Variants in TXNDC9 observed in about 807,000 individuals in gnomAD.
The protein encoded by TXNDC9 is thioredoxin domain containing 9, also known as thioredoxin domain-containing protein 9.
In TXNDC9, 7 loss-of-function variants were observed where a neutral mutation model predicts 23.0. The ratio of observed to expected loss-of-function variants is 0.30; its 90% CI spans 0.17 to 0.57. The LOEUF (loss-of-function observed/expected upper bound fraction) is 0.57, where lower values mean the gene tolerates loss of function less well. Among genes scored for constraint, TXNDC9 ranks in the 20% least tolerant of loss-of-function variants. The pLI is 0.90. For missense variants in TXNDC9, 198 were observed against 252.6 expected, an observed-to-expected ratio of 0.78 and a Z score of 1.47; for synonymous variants, 72 against 90.6, an observed-to-expected ratio of 0.79 and a Z score of 1.17.
At chr2:99,308,856 T>G in the TXNDC9 span, among the ~76,000 whole-genome samples, 1 of 151,776 alleles carries the variant, frequency 6.6e-6, no homozygotes, top group Non-Finnish European at 1.5e-5. Context: ...GGACTACAGG[T>G]GCTCGCCACC....
intron 3 of TXNDC9, chr2:99,322,548 G>A (rs2105320387): frequency 6.7e-6 from 10 of 1,498,552 alleles, no homozygotes; most frequent in Non-Finnish European, 8.0e-6. Flanking sequence ...GACAAAACTC[G>A]GAAGAGACTT....
rs998866890 is a variant in TXNDC9 at position 99,321,813 on chromosome 2, C to T, written c.563+142G>A. On this transcript the variant is annotated intron_variant, in intron 4 of 4. Coordinates refer to ENST00000264255, the MANE Select transcript of TXNDC9 (RefSeq NM_005783.4). ...GCTAATATTACACACTTCAAAAAAA[C>T]ATGCTTTTCCTTTGAGAAACTTTCC... is the stretch of plus-strand genomic sequence containing the variant. 3 of 965,100 alleles carry T rather than the reference C, an allele frequency of 3.1e-6. No individual in the cohort carries two copies. The African/African-American group carries it at 5.0e-5, about 16-fold the overall frequency. The allele number at this position is 965,100 out of a possible 1,614,324, so 59.8% of individuals were successfully genotyped here.
intron 4 of TXNDC9, among the ~76,000 whole-genome samples, chr2:99,320,149 A>C (rs2094198098): frequency 6.6e-6 from 1 of 152,100 alleles, no homozygotes; most frequent in African/African-American, 2.4e-5. Context: ...CTTGGACTAC[A>C]GGCGTGTGCC....
At chr2:99,318,864 T>C (rs2094195286), downstream of TXNDC9, 1 of 152,190 alleles carries the variant, frequency 6.6e-6, no homozygotes, top group Non-Finnish European at 1.5e-5. Context: ...ATGCTAATAA[T>C]CTACTCTTCC....
intron 2 of TXNDC9, among the ~76,000 whole-genome samples, chr2:99,328,038 T>C (rs2094216872): frequency 6.6e-6 from 1 of 151,946 alleles, no homozygotes; most frequent in African/African-American, 2.4e-5. Flanking sequence ...CTGCCTCGGC[T>C]TCCCAAAGTG....
chr2:99,325,402 C>T (rs570566378), intron 3 of TXNDC9, among the ~76,000 whole-genome samples: 7 of 152,138 alleles, frequency 4.6e-5, no homozygotes, highest in African/African-American at 1.7e-4. Context: ...ACATGAAATA[C>T]AGGAATAATA....
downstream of TXNDC9, among the ~76,000 whole-genome samples, chr2:99,314,554 A>G (rs530661856): frequency 7.2e-3 from 321 of 44,820 alleles, 2 homozygotes; most frequent in African/African-American, 0.027. Flanking sequence ...TTTTTGAGAC[A>G]GAGTCTCACT....
Position 99,322,100 on chromosome 2 carries a change from T to C in TXNDC9, c.418A>G (p.Ile140Val). ...AGTGCTAGTGTGGGAATGACTTTGA[T>C]ATGCAGTCTCTCACAAAGGAAAGGT... is the stretch of plus-strand genomic sequence containing the variant. ...KAPFLCERLH[I>V]KVIPTLALLK... Residue 140 changes from isoleucine to valine, a missense_variant, in exon 4 of 5, where the codon ATC becomes GTC. Physicochemically the swap from Ile to Val is conservative, Grantham distance 29 (BLOSUM62 3). Coordinates refer to ENST00000264255, the MANE Select transcript of TXNDC9 (RefSeq NM_005783.4). 1 of 1,614,200 alleles carries C rather than the reference T, an allele frequency of 6.2e-7. No individual in the cohort carries two copies. The highest frequency in any genetic ancestry group is 8.5e-7 in the Non-Finnish European group (1 of 1,180,034).
intron 2 of TXNDC9, among the ~76,000 whole-genome samples, chr2:99,328,626 C>T (rs1216598746): frequency 6.6e-6 from 1 of 152,074 alleles, no homozygotes; most frequent in Admixed American, 6.6e-5. Context: ...TCCATGTACT[C>T]TTAAACTACT....
the TXNDC9 span, among the ~76,000 whole-genome samples, chr2:99,309,610 G>A: frequency 3.3e-5 from 5 of 151,976 alleles, no homozygotes; most frequent in Admixed American, 2.6e-4. Flanking sequence ...GAGGTAGGTG[G>A]ATCACCTGAG....
the TXNDC9 span, among the ~76,000 whole-genome samples, chr2:99,309,672 G>A: frequency 6.6e-6 from 1 of 151,980 alleles, no homozygotes; most frequent in African/African-American, 2.4e-5. Context: ...CATGGCCTCA[G>A]GCACATTTCT....
chr2:99,328,765 C>T (rs1379201095), intron 2 of TXNDC9, among the ~76,000 whole-genome samples: 2 of 151,612 alleles, frequency 1.3e-5, no homozygotes, highest in East Asian at 1.9e-4. Flanking sequence ...CACCTGAGGT[C>T]AGGAGTTCCA....
the TXNDC9 span, among the ~76,000 whole-genome samples, chr2:99,308,924 G>A: frequency 2.0e-5 from 3 of 151,842 alleles, no homozygotes; most frequent in Non-Finnish European, 2.9e-5. Flanking sequence ...GGATGGTCTC[G>A]ATCTCCTGAC....
chr2:99,316,708 T>C (rs560360150), downstream of TXNDC9, among the ~76,000 whole-genome samples: 1 of 152,246 alleles, frequency 6.6e-6, no homozygotes, highest in South Asian at 2.1e-4. Flanking sequence ...TTCATTACAG[T>C]TACTTTACTT....
At chr2:99,323,449 T>C (rs2094206951) in intron 3 of TXNDC9, among the ~76,000 whole-genome samples, 2 of 151,986 alleles carry the variant, frequency 1.3e-5, no homozygotes, top group African/African-American at 2.4e-5. Context: ...TAAAATTTAT[T>C]TTCTGGCCTG....
At chr2:99,327,745 G>T (rs2094215829) in intron 2 of TXNDC9, 92 bp from the exon 3 acceptor site, 100 of 623,740 alleles carry the variant, frequency 1.6e-4, no homozygotes, top group South Asian at 4.3e-4. Context: ...ATCGTATTTT[G>T]TAATGAAGTC....
the TXNDC9 span, among the ~76,000 whole-genome samples, chr2:99,311,488 G>T: frequency 6.6e-6 from 1 of 152,072 alleles, no homozygotes; most frequent in Non-Finnish European, 1.5e-5. Context: ...GTGGGGGAGG[G>T]GGTCTCACTA....
At chr2:99,327,714 A>G in intron 2 of TXNDC9, 61 bp from the exon 3 acceptor site, 2 of 994,480 alleles carry the variant, frequency 2.0e-6, no homozygotes, top group South Asian at 3.0e-5. Flanking sequence ...ACCACTTGAC[A>G]TTTTAAGTGT....
At chr2:99,315,134 C>T (rs1358075871), downstream of TXNDC9, among the ~76,000 whole-genome samples, 2 of 150,768 alleles carry the variant, frequency 1.3e-5, no homozygotes, top group Admixed American at 6.6e-5. Flanking sequence ...GCGATCTTGG[C>T]TCACTGCAAG....
Sources: allele counts gnomAD v4.1 joint callset (sites outside exome capture counted in the v4.1 genomes callset), GRCh38; gene constraint gnomAD v4.1.1; transcripts MANE v1.5; gene names NCBI Gene and HGNC (gene_info 2026-07-23, HGNC 2026-07-21).